KCNAB1: variants seen among roughly 807,000 people sequenced by gnomAD.
The protein encoded by KCNAB1 is potassium voltage-gated channel subfamily A regulatory beta subunit 1.
A neutral mutation model predicts 64.6 loss-of-function variants in KCNAB1; 35 were observed. That is an observed-to-expected ratio of 0.54 (90% CI 0.41 to 0.72). The LOEUF (loss-of-function observed/expected upper bound fraction) is 0.72. KCNAB1 is among the 30% of genes least tolerant of loss of function. The pLI, the probability that KCNAB1 is intolerant of heterozygous loss-of-function variation, is 0.00. For missense variants in KCNAB1, 401 were observed against 512.9 expected (o/e 0.78, Z 2.11); for synonymous variants, 177 against 183.8 (o/e 0.96, Z 0.30).
chr3:156,430,038 T>C (rs554442044), intron 2 of KCNAB1, among the ~76,000 whole-genome samples: 1 of 152,376 alleles, frequency 6.6e-6, no homozygotes, highest in South Asian at 2.1e-4. Flanking sequence ...AAAATATTTC[T>C]TCCTAGTTTC....
At chr3:156,463,589 T>C in intron 5 of KCNAB1, 113 bp from the exon 6 acceptor site, 1 of 863,844 alleles carries the variant, frequency 1.2e-6, no homozygotes, top group South Asian at 1.6e-5. Flanking sequence ...TACCAATTTT[T>C]AAAATGTGAG....
chr3:156,453,657 T>C (rs996183914), intron 3 of KCNAB1, among the ~76,000 whole-genome samples: 5 of 152,198 alleles, frequency 3.3e-5, no homozygotes, highest in African/African-American at 4.8e-5. Context: ...AATACCTTCA[T>C]GGCATAAGTG....
chr3:156,484,835 C>A (rs1012569192), intron 8 of KCNAB1, among the ~76,000 whole-genome samples: 4 of 146,392 alleles, frequency 2.7e-5, no homozygotes, highest in Non-Finnish European at 6.0e-5. Flanking sequence ...GTTAACCCCC[C>A]TCCTGAATAT....
intron 1 of KCNAB1, among the ~76,000 whole-genome samples, chr3:156,355,359 G>T (rs1037740009): frequency 6.6e-6 from 1 of 151,330 alleles, no homozygotes; most frequent in Non-Finnish European, 1.5e-5. Flanking sequence ...AAGCATAAGT[G>T]CTTGCAAGTC....
chr3:156,187,438 T>C (rs1437119573), intron 1 of KCNAB1, among the ~76,000 whole-genome samples: 1 of 152,374 alleles, frequency 6.6e-6, no homozygotes. Flanking sequence ...CAGTCACTTC[T>C]ATTCAGCATG....
At chr3:156,386,039 A>T (rs1014339281) in intron 1 of KCNAB1, among the ~76,000 whole-genome samples, 1 of 152,340 alleles carries the variant, frequency 6.6e-6, no homozygotes, top group South Asian at 2.1e-4. Flanking sequence ...CAGTGAATCC[A>T]TACAGGTCTC....
chr3:156,324,576 C>T (rs1306550323), intron 1 of KCNAB1, among the ~76,000 whole-genome samples: 2 of 152,160 alleles, frequency 1.3e-5, no homozygotes, highest in Non-Finnish European at 2.9e-5. Context: ...ATGCCACACG[C>T]TCACTTGACT....
intron 2 of KCNAB1, among the ~76,000 whole-genome samples, chr3:156,438,883 G>C (rs564815847): frequency 6.6e-6 from 1 of 152,108 alleles, no homozygotes; most frequent in African/African-American, 2.4e-5. Flanking sequence ...GCGTGGTGGC[G>C]TGTGCCTATA....
chr3:156,465,554 G>A (rs974939234), intron 6 of KCNAB1, 89 bp from the exon 7 acceptor site: 34 of 1,149,188 alleles, frequency 3.0e-5, no homozygotes, highest in Non-Finnish European at 4.3e-5. Flanking sequence ...ATAAGAACAG[G>A]GTGCAAAATT....
At chr3:156,491,084 G>A (rs1209906846) in intron 8 of KCNAB1, among the ~76,000 whole-genome samples, 2 of 152,042 alleles carry the variant, frequency 1.3e-5, no homozygotes, top group African/African-American at 2.4e-5. Context: ...CAAACCAAGG[G>A]TGAAGAAGTA....
chr3:156,536,366 G>A (rs1439931103), intron 13 of KCNAB1, among the ~76,000 whole-genome samples: 3 of 152,158 alleles, frequency 2.0e-5, no homozygotes, highest in Non-Finnish European at 4.4e-5. Context: ...GTATCTAATA[G>A]AAAATTTTAA....
At chr3:156,188,783 C>T (rs1713371298) in intron 1 of KCNAB1, among the ~76,000 whole-genome samples, 1 of 152,158 alleles carries the variant, frequency 6.6e-6, no homozygotes, top group South Asian at 2.1e-4. Flanking sequence ...TTGCATTTTT[C>T]TCTTCTACTA....
intron 1 of KCNAB1, among the ~76,000 whole-genome samples, chr3:156,202,843 A>G (rs1412763270): frequency 6.6e-6 from 1 of 152,238 alleles, no homozygotes; most frequent in Non-Finnish European, 1.5e-5. Flanking sequence ...TACTAATAAC[A>G]GATTTTTTAA....
intron 1 of KCNAB1, among the ~76,000 whole-genome samples, chr3:156,183,746 C>T (rs1713014027): frequency 6.6e-6 from 1 of 152,236 alleles, no homozygotes; most frequent in Non-Finnish European, 1.5e-5. Flanking sequence ...ACTGCATCTT[C>T]TGGACTCAGT....
At chr3:156,209,013 G>A (rs1406963372) in intron 1 of KCNAB1, among the ~76,000 whole-genome samples, 1 of 152,098 alleles carries the variant, frequency 6.6e-6, no homozygotes, top group Admixed American at 6.5e-5. Flanking sequence ...AAAAATCCAG[G>A]GTTATTCATG....
chr3:156,507,933 G>T (rs1716933375), intron 8 of KCNAB1, among the ~76,000 whole-genome samples: 1 of 151,992 alleles, frequency 6.6e-6, no homozygotes, highest in Non-Finnish European at 1.5e-5. Flanking sequence ...TATATAATAT[G>T]TTAGTGTCTA....
intron 1 of KCNAB1, among the ~76,000 whole-genome samples, chr3:156,266,147 TC>T (rs1322824163): frequency 7.2e-5 from 11 of 152,168 alleles, no homozygotes; most frequent in African/African-American, 2.7e-4. Context: ...TGATTTTAGC[TC>T]ATTTTTTTCC....
chr3:156,387,725 T>C (rs537305466), intron 1 of KCNAB1, among the ~76,000 whole-genome samples: 1 of 152,324 alleles, frequency 6.6e-6, no homozygotes, highest in South Asian at 2.1e-4. Context: ...AGGGGCAATC[T>C]TGCAGCCATT....
chr3:156,421,719 C>A (rs538302782), intron 2 of KCNAB1, 60 bp downstream of exon 2: 8 of 1,486,688 alleles, frequency 5.4e-6, no homozygotes, highest in African/African-American at 2.8e-5. Flanking sequence ...GGGAGGGCAC[C>A]AGGGAGTGAC....
Sources: allele counts gnomAD v4.1 joint callset (sites outside exome capture counted in the v4.1 genomes callset), GRCh38; gene constraint gnomAD v4.1.1; transcripts MANE v1.5; gene names NCBI Gene and HGNC (gene_info 2026-07-23, HGNC 2026-07-21).